Variants in TLL2 observed in about 807,000 individuals in gnomAD.
The protein encoded by TLL2 is tolloid-like protein 2.
TLL2 carries 106 observed loss-of-function variants against 123.0 expected under a neutral mutation model. The observed-to-expected ratio is 0.86, with a 90% CI of 0.74 to 1.01. The LOEUF is 1.01. TLL2 is among the 50% of genes least tolerant of loss of function. TLL2 has a pLI of 0.00. For synonymous variants in TLL2, 494 were observed against 516.8 expected (o/e 0.96, Z 0.60); for missense variants, 1,332 against 1,336.7 (o/e 1.00, Z 0.06).
chr10:96,479,275 G>A (rs1021757933), intron 2 of TLL2, among the ~76,000 whole-genome samples: 2 of 152,206 alleles, frequency 1.3e-5, no homozygotes, highest in African/African-American at 4.8e-5. Flanking sequence ...CACTGGCGAT[G>A]AGGTCCCCGT....
rs1210970430 is a variant in TLL2, at chr10:96,506,251, C to CAAAAA, written c.175+7255_175+7259dup. On this transcript the variant is annotated intron_variant, in intron 1 of 20. Coordinates refer to ENST00000357947, the MANE Select transcript of TLL2 (RefSeq NM_012465.4). ...TGGATGACAGAGCGAGACCCCATCT[C>CAAAAA]AAAAAAAAAAAAAAGAAAAAAAAAA... Among the ~76,000 whole-genome samples the CAAAAA allele has an allele frequency of 4.4e-3, 160 of 36,588 alleles. 8 individuals are homozygous for CAAAAA. The highest frequency in any genetic ancestry group is 0.014 in the East Asian group (14 of 970). The allele number at this position is 36,588 out of a possible 152,430, so 24.0% of individuals were successfully genotyped here. A position where few individuals can be genotyped will look rare whatever the true frequency, so the allele number is the denominator to read the frequency against.
At chr10:96,428,770 T>C (rs777080745) in intron 4 of TLL2, 22 bp from the exon 5 acceptor site, 2 of 1,477,906 alleles carry the variant, frequency 1.4e-6, no homozygotes, top group Non-Finnish European at 1.9e-6. Context: ...GGGCAAGCAC[T>C]CGACTTCAAT....
intron 1 of TLL2, among the ~76,000 whole-genome samples, chr10:96,512,563 C>T (rs2134119705): frequency 6.6e-6 from 1 of 152,310 alleles, no homozygotes; most frequent in African/African-American, 2.4e-5. Context: ...GAAACGGGGC[C>T]CCACAAAGCC....
chr10:96,458,357 C>T (rs1350974433), intron 2 of TLL2, among the ~76,000 whole-genome samples: 1 of 151,854 alleles, frequency 6.6e-6, no homozygotes, highest in Non-Finnish European at 1.5e-5. Context: ...GAAGCCGAGG[C>T]AGGCAGATCA....
At chr10:96,476,849 T>C (rs1349769421) in intron 2 of TLL2, among the ~76,000 whole-genome samples, 2 of 113,032 alleles carry the variant, frequency 1.8e-5, no homozygotes, top group Non-Finnish European at 3.6e-5. Context: ...CCCTAATCCC[T>C]TTTATGTTAC....
intron 2 of TLL2, among the ~76,000 whole-genome samples, chr10:96,453,431 G>A (rs1218953653): frequency 6.6e-6 from 1 of 152,024 alleles, no homozygotes; most frequent in Non-Finnish European, 1.5e-5. Flanking sequence ...ACTCCAGCCT[G>A]GATGATGAAA....
chr10:96,478,582 C>T (rs1847281836), intron 2 of TLL2, among the ~76,000 whole-genome samples: 1 of 152,194 alleles, frequency 6.6e-6, no homozygotes, highest in South Asian at 2.1e-4. Context: ...ACAAACTGCC[C>T]ACATGTCTGT....
chr10:96,509,112 C>T (rs1015353588), intron 1 of TLL2, among the ~76,000 whole-genome samples: 1 of 152,158 alleles, frequency 6.6e-6, no homozygotes, highest in African/African-American at 2.4e-5. Context: ...GCCAACAGGT[C>T]CCAGGCAACA....
intron 2 of TLL2, among the ~76,000 whole-genome samples, chr10:96,456,008 T>C (rs1847012263): frequency 6.6e-6 from 1 of 152,218 alleles, no homozygotes; most frequent in Non-Finnish European, 1.5e-5. Flanking sequence ...GCTTGCTACC[T>C]TATGAGCATT....
intron 2 of TLL2, among the ~76,000 whole-genome samples, chr10:96,453,845 T>C (rs996326599): frequency 6.6e-6 from 1 of 152,234 alleles, no homozygotes; most frequent in Admixed American, 6.5e-5. Context: ...CTGTCCATTG[T>C]GATTATCTCT....
At chr10:96,403,141 TG>T (rs1337365873) in intron 10 of TLL2, among the ~76,000 whole-genome samples, 1 of 152,178 alleles carries the variant, frequency 6.6e-6, no homozygotes. Context: ...TGGTCACTTC[TG>T]CCTGTCTCAC....
intron 1 of TLL2, among the ~76,000 whole-genome samples, chr10:96,493,161 A>G (rs1847432956): frequency 1.3e-5 from 2 of 152,156 alleles, no homozygotes; most frequent in Admixed American, 1.3e-4. Context: ...GTGCATCATC[A>G]TACCCAGTGT....
intron 2 of TLL2, among the ~76,000 whole-genome samples, chr10:96,469,351 C>A (rs1043887959): frequency 6.6e-6 from 1 of 152,286 alleles, no homozygotes; most frequent in African/African-American, 2.4e-5. Context: ...CTAATCCTTA[C>A]TTCCTACAAG....
At chr10:96,459,097 G>A (rs1189980271) in intron 2 of TLL2, among the ~76,000 whole-genome samples, 1 of 152,156 alleles carries the variant, frequency 6.6e-6, no homozygotes, top group Non-Finnish European at 1.5e-5. Flanking sequence ...AACAGAGAGA[G>A]ATTCCATGTT....
chr10:96,391,505 C>T (rs1211036394), intron 13 of TLL2, among the ~76,000 whole-genome samples: 1 of 152,240 alleles, frequency 6.6e-6, no homozygotes, highest in Non-Finnish European at 1.5e-5. Flanking sequence ...CGTTCCTTCC[C>T]TGTGGCTTTC....
chr10:96,503,268 G>A (rs368283981), intron 1 of TLL2, among the ~76,000 whole-genome samples: 1 of 152,032 alleles, frequency 6.6e-6, no homozygotes, highest in Admixed American at 6.6e-5. Flanking sequence ...CTAAAATAGG[G>A]AATAATACTA....
chr10:96,394,982 C>T lies in TLL2; in HGVS notation c.1726+205G>A, dbSNP rs180682973. ...AATTTCCAAGTACAGAACTTTCTAT[C>T]GTGTGGAAGCCAAGGCTGAGCCTGC... On this transcript the variant is annotated intron_variant, in intron 13 of 20. Transcript: ENST00000357947. Among the ~76,000 whole-genome samples the T allele has an allele frequency of 6.3e-4, 96 of 152,310 alleles. No homozygotes were observed. The Middle Eastern group carries it at 0.014, about 22-fold the overall frequency.
chr10:96,486,768 T>G (rs968982152), intron 1 of TLL2, among the ~76,000 whole-genome samples: 2 of 152,242 alleles, frequency 1.3e-5, no homozygotes, highest in Non-Finnish European at 1.5e-5. Flanking sequence ...CACCACAGTT[T>G]GAAGGCGGAG....
chr10:96,373,862 G>A (rs893346498), intron 18 of TLL2, 53 bp from the exon 19 acceptor site: 1 of 1,548,974 alleles, frequency 6.5e-7, no homozygotes. Flanking sequence ...CAGCTGGGGT[G>A]GGGGCCTCCT....
Sources: gnomAD v4.1 joint callset for allele counts (sites outside exome capture counted in the v4.1 genomes callset) on GRCh38, gnomAD v4.1.1 for gene constraint, MANE v1.5 for transcripts, NCBI Gene and HGNC (gene_info 2026-07-23, HGNC 2026-07-21) for gene names.